The following BLK variants were observed in gnomAD, a reference collection of about 807,000 sequenced individuals.
BLK encodes the protein BLK proto-oncogene, Src family tyrosine kinase, also known as tyrosine-protein kinase Blk.
A neutral mutation model predicts 61.8 loss-of-function variants in BLK; 64 were observed. That is an observed-to-expected ratio of 1.03 (90% CI 0.85 to 1.27). BLK has a LOEUF of 1.27. BLK is among the 50% of genes most tolerant of loss of function. The pLI, the probability that BLK is intolerant of heterozygous loss-of-function variation, is 0.00. For missense variants in BLK, 853 were observed against 660.5 expected, an observed-to-expected ratio of 1.29 and a Z score of -3.19; for synonymous variants, 351 against 272.0, an observed-to-expected ratio of 1.29 and a Z score of -2.86.
chr8:11,495,158 C>A (rs1272272207), intron 1 of BLK, among the ~76,000 whole-genome samples: 1 of 152,218 alleles, frequency 6.6e-6, no homozygotes, highest in East Asian at 1.9e-4. Context: ...GAAACACCAA[C>A]TGTGAAAAGG....
At chr8:11,535,840 T>C (rs1272737762) in intron 1 of BLK, among the ~76,000 whole-genome samples, 1 of 152,174 alleles carries the variant, frequency 6.6e-6, no homozygotes, top group Admixed American at 6.5e-5. Flanking sequence ...GGTAACTCTA[T>C]GTGTAAGAAG....
intron 8 of BLK, 168 bp from the exon 9 acceptor site, chr8:11,556,490 T>C (rs1801230724): frequency 1.3e-6 from 1 of 793,712 alleles, no homozygotes; most frequent in Non-Finnish European, 2.1e-6. Context: ...AGAAGGGACC[T>C]GGAACGCAAG....
intron 3 of BLK, 34 bp from the exon 4 acceptor site, chr8:11,547,998 T>C: frequency 6.3e-7 from 1 of 1,585,310 alleles, no homozygotes; most frequent in Non-Finnish European, 8.7e-7. Flanking sequence ...CTTGTGGGCC[T>C]GAGTGGTGGT....
At chr8:11,501,455 A>T (rs1220784894) in intron 1 of BLK, among the ~76,000 whole-genome samples, 2 of 151,798 alleles carry the variant, frequency 1.3e-5, no homozygotes, top group African/African-American at 4.8e-5. Flanking sequence ...ACCTGCCAGC[A>T]CACTGGGGGA....
chr8:11,527,257 G>C (rs948519764), intron 1 of BLK, among the ~76,000 whole-genome samples: 2 of 152,156 alleles, frequency 1.3e-5, no homozygotes, highest in East Asian at 3.9e-4. Context: ...CTAAGGGGGT[G>C]TAAATAACAT....
At chr8:11,530,936 A>T (rs1191431640) in intron 1 of BLK, among the ~76,000 whole-genome samples, 6 of 152,186 alleles carry the variant, frequency 3.9e-5, no homozygotes. Flanking sequence ...TGTTTCCTAA[A>T]GTTGTTTCGT....
intron 1 of BLK, among the ~76,000 whole-genome samples, chr8:11,521,733 C>A (rs1483380420): frequency 6.6e-6 from 1 of 152,172 alleles, no homozygotes; most frequent in Non-Finnish European, 1.5e-5. Context: ...AGTGCCTCCC[C>A]GGCATGTGCA....
At chr8:11,503,775 C>T (rs893547761) in intron 1 of BLK, among the ~76,000 whole-genome samples, 5 of 152,132 alleles carry the variant, frequency 3.3e-5, no homozygotes, top group Admixed American at 3.3e-4. Context: ...CTTGCCTGGG[C>T]CTCACCTCTG....
chr8:11,527,048 G>A (rs971871423), intron 1 of BLK, among the ~76,000 whole-genome samples: 2 of 152,092 alleles, frequency 1.3e-5, no homozygotes, highest in African/African-American at 4.8e-5. Context: ...TTGCAGTTTC[G>A]TTAGAGGACG....
chr8:11,564,378 A>C lies in BLK; in HGVS notation c.*270A>C. ...ACGGTCATCCGGAGTACTAAGCCCCAGTAAGGTGTTCAGGACTGGTAAGCG... is the reference window on the plus strand; with the variant it reads ...ACGGTCATCCGGAGTACTAAGCCCCCGTAAGGTGTTCAGGACTGGTAAGCG... On this transcript the variant is annotated 3_prime_UTR_variant, in exon 13 of 13. Coordinates refer to ENST00000259089, the MANE Select transcript of BLK (RefSeq NM_001715.3). 1.5e-6 allele frequency: 1 copy of C among 675,568 alleles called. No homozygotes were observed. Among genetic ancestry groups the C allele is most frequent in the South Asian group, 1.5e-5 (1 of 66,530 alleles). The allele number at this position is 675,568 out of a possible 1,614,324, so 41.8% of individuals were successfully genotyped here.
At chr8:11,563,450 C>T (rs929657486) in intron 12 of BLK, among the ~76,000 whole-genome samples, 3 of 152,226 alleles carry the variant, frequency 2.0e-5, no homozygotes, top group Non-Finnish European at 4.4e-5. Context: ...ATAGTGGATT[C>T]CCCAAAGCCC....
chr8:11,547,510 G>A (rs551451781), intron 3 of BLK, among the ~76,000 whole-genome samples: 1 of 152,344 alleles, frequency 6.6e-6, no homozygotes, highest in East Asian at 1.9e-4. Context: ...GCCCGGCAGG[G>A]TCACTGGCAG....
rs2264866 is a variant in BLK at position 11,531,144 on chromosome 8, C to G, written c.-1-12080C>G. 6.0e-3 allele frequency among the ~76,000 whole-genome samples: 907 copies of G among 152,114 alleles called. 7 individuals carry two copies. Among genetic ancestry groups the G allele is most frequent in the African/African-American group, 0.021 (880 of 41,474 alleles). On this transcript the variant is annotated intron_variant, in intron 1 of 12. Transcript: ENST00000259089. Reference sequence around the variant, plus strand: ...TTTGTGTGCTGCTCAGCTGTCTTCTCTGTTCAACTGTTTGTTAAATTGAAT... The same window carrying G: ...TTTGTGTGCTGCTCAGCTGTCTTCTGTGTTCAACTGTTTGTTAAATTGAAT...
chr8:11,514,726 G>C (rs563969236), intron 1 of BLK, among the ~76,000 whole-genome samples: 2 of 152,238 alleles, frequency 1.3e-5, no homozygotes, highest in Non-Finnish European at 2.9e-5. Flanking sequence ...CTATGCAGCA[G>C]GGCAACTACA....
intron 1 of BLK, among the ~76,000 whole-genome samples, chr8:11,528,726 A>G (rs1799774418): frequency 6.6e-6 from 1 of 152,244 alleles, no homozygotes; most frequent in East Asian, 1.9e-4. Context: ...TGGTGCTCTT[A>G]TCCACAGATT....
At position 11,538,340 on chromosome 8, in the gene BLK, G is replaced by A. The variant is rs149483541; in HGVS notation, c.-1-4884G>A. Among the ~76,000 whole-genome samples, 112 of 152,302 alleles carry A rather than the reference G, an allele frequency of 7.4e-4. 1 individual carries two copies. Among genetic ancestry groups the A allele is most frequent in the African/African-American group, 2.1e-3 (88 of 41,556 alleles). ...AACCTGAAACTGCTGGGTGCAGCCC[G>A]AGCACCAGTGACAGCCCTGGTTGTC... On this transcript the variant is annotated intron_variant, in intron 1 of 12. Coordinates refer to ENST00000259089, the MANE Select transcript of BLK (RefSeq NM_001715.3).
intron 1 of BLK, among the ~76,000 whole-genome samples, chr8:11,502,456 A>C (rs1023694228): frequency 6.6e-6 from 1 of 152,080 alleles, no homozygotes; most frequent in Non-Finnish European, 1.5e-5. Context: ...GGCACCCGCC[A>C]CCATGCCTGG....
At chr8:11,521,833 A>G (rs1246652154) in intron 1 of BLK, among the ~76,000 whole-genome samples, 1 of 152,130 alleles carries the variant, frequency 6.6e-6, no homozygotes, top group Non-Finnish European at 1.5e-5. Flanking sequence ...GCTTTTAGTA[A>G]GTGTGGACAT....
chr8:11,561,883 A>G (rs992762523), intron 11 of BLK, among the ~76,000 whole-genome samples: 1 of 151,866 alleles, frequency 6.6e-6, no homozygotes, highest in East Asian at 1.9e-4. Flanking sequence ...CAGTGGCACA[A>G]TCTTGGCTCA....
Sources: allele counts gnomAD v4.1 joint callset (sites outside exome capture counted in the v4.1 genomes callset), GRCh38; gene constraint gnomAD v4.1.1; transcripts MANE v1.5; gene names NCBI Gene and HGNC (gene_info 2026-07-23, HGNC 2026-07-21).